LRRC61: variants seen among roughly 807,000 people sequenced by gnomAD.
The protein encoded by LRRC61 is leucine rich repeat containing 61, also known as leucine-rich repeat-containing protein 61.
LRRC61 carries 9 observed loss-of-function variants against 15.1 expected under a neutral mutation model. That is an observed-to-expected ratio of 0.60 (90% CI 0.36 to 1.04). The LOEUF is 1.04. LRRC61 is among the 50% of genes least tolerant of loss of function. The probability of loss-of-function intolerance (pLI) is 0.01; values close to 1 mark genes in which losing one functional copy is unlikely to be tolerated. For missense variants in LRRC61, 344 were observed against 335.6 expected (o/e 1.03, Z -0.20); for synonymous variants, 173 against 158.6 (o/e 1.09, Z -0.68).
At chr7:150,328,640 G>A (rs538001947) in intron 2 of LRRC61, 8 of 152,356 alleles carry the variant, frequency 5.3e-5, no homozygotes, top group African/African-American at 1.4e-4. Context: ...CTTAGTTACC[G>A]TGATGCTGAA....
intron 1 of LRRC61, 65 bp downstream of exon 1, chr7:150,323,625 C>T (rs1563221144): frequency 2.2e-6 from 1 of 454,620 alleles, no homozygotes; most frequent in African/African-American, 2.0e-5. Flanking sequence ...GTGCCGGCCC[C>T]GGGGGGCCAC....
At chr7:150,331,548 T>C (rs1279033971) in intron 2 of LRRC61, 3 of 178,124 alleles carry the variant, frequency 1.7e-5, no homozygotes, top group Non-Finnish European at 4.0e-5. Context: ...TCTAGCAGTA[T>C]GTGCCGAGAA....
Position 150,330,314 on chromosome 7 carries a change from C to A in LRRC61, c.-145+4304C>A, listed in dbSNP as rs1407744014. On this transcript the variant is annotated intron_variant, in intron 2 of 2. Coordinates refer to ENST00000359623, the MANE Select transcript of LRRC61 (RefSeq NM_001142928.2). The surrounding 1 kb of genome is among the most constrained non-coding windows in gnomAD (Gnocchi z 4.6). ...AGCAGCCCCTTCAAGAGTACAAGGG[C>A]AGGCACCAGCTGGGGAAGGCTGGTG... 1 of 717,982 alleles carries A rather than the reference C, an allele frequency of 1.4e-6. No individual in the cohort carries two copies. 44.5% of individuals were successfully genotyped at this position (717,982 alleles called of 1,614,324 possible).
the LRRC61 span, among the ~76,000 whole-genome samples, chr7:150,312,305 A>T: frequency 6.6e-6 from 1 of 152,196 alleles, no homozygotes; most frequent in Non-Finnish European, 1.5e-5. Flanking sequence ...CAGGAGACAA[A>T]GATTATTTTA....
chr7:150,325,526 G>A (rs1431975820), intron 1 of LRRC61, among the ~76,000 whole-genome samples: 1 of 152,184 alleles, frequency 6.6e-6, no homozygotes, highest in African/African-American at 2.4e-5. Context: ...GGAATGCAGT[G>A]GTGCAATCAC....
chr7:150,321,668 A>C (rs1462358108), upstream of LRRC61, among the ~76,000 whole-genome samples: 1 of 152,202 alleles, frequency 6.6e-6, no homozygotes, highest in African/African-American at 2.4e-5. Flanking sequence ...TGAACTCAGG[A>C]GGTGGAGGTT....
chr7:150,323,869 A>C (rs948390763), intron 1 of LRRC61: 4 of 363,824 alleles, frequency 1.1e-5, no homozygotes, highest in African/African-American at 8.8e-5. Context: ...CCGTGCTCAG[A>C]GACGGGCTCT....
chr7:150,317,781 A>T, the LRRC61 span, among the ~76,000 whole-genome samples: 3 of 152,086 alleles, frequency 2.0e-5, no homozygotes, highest in Non-Finnish European at 4.4e-5. Flanking sequence ...TATTATCCAG[A>T]TGGATATTGA....
chr7:150,312,254 GT>G, the LRRC61 span, among the ~76,000 whole-genome samples: 1 of 152,142 alleles, frequency 6.6e-6, no homozygotes, highest in African/African-American at 2.4e-5. Flanking sequence ...AGGGCAAGAG[GT>G]TCTTAGACCA....
At chr7:150,336,172 A>C (rs1180675544) in intron 2 of LRRC61, among the ~76,000 whole-genome samples, 2 of 152,188 alleles carry the variant, frequency 1.3e-5, no homozygotes, top group African/African-American at 4.8e-5. Context: ...CTCCAACCAG[A>C]GGTACCAGCT....
At position 150,337,690 on chromosome 7, in the gene LRRC61, A is replaced by C. The variant is rs1585051712; in HGVS notation, c.*49A>C. 1 of 1,501,554 alleles carries C rather than the reference A, an allele frequency of 6.7e-7. No individual in the cohort carries two copies. The highest frequency in any genetic ancestry group is 1.4e-5 in the South Asian group (1 of 73,860). The allele number at this position is 1,501,554 out of a possible 1,614,324, so 93.0% of individuals were successfully genotyped here. On this transcript the variant is annotated 3_prime_UTR_variant, in exon 3 of 3. Coordinates refer to ENST00000359623, the MANE Select transcript of LRRC61 (RefSeq NM_001142928.2). ...CCTGGCAGGTGGCCTCGCTGCCCCC[A>C]GTTCCCCTCTCTGCCCCCACACTCG...
At chr7:150,328,104 C>T (rs1053634779) in intron 2 of LRRC61, among the ~76,000 whole-genome samples, 10 of 152,148 alleles carry the variant, frequency 6.6e-5, no homozygotes, top group Admixed American at 6.6e-4. Flanking sequence ...GTTGCAGAGA[C>T]AGCCTGAGAA....
chr7:150,327,803 G>T (rs1169088203), intron 2 of LRRC61, among the ~76,000 whole-genome samples: 4 of 136,972 alleles, frequency 2.9e-5, no homozygotes, highest in African/African-American at 1.1e-4. Context: ...CTGGGCGACA[G>T]AGCAAGACCT....
At chr7:150,336,357 A>C (rs898761423) in intron 2 of LRRC61, among the ~76,000 whole-genome samples, 7 of 152,278 alleles carry the variant, frequency 4.6e-5, no homozygotes, top group Non-Finnish European at 7.3e-5. Context: ...CTATTCAAAA[A>C]TAACGGTTTA....
chr7:150,336,033 C>T (rs894233601), intron 2 of LRRC61, among the ~76,000 whole-genome samples: 2 of 152,164 alleles, frequency 1.3e-5, no homozygotes, highest in Non-Finnish European at 2.9e-5. Context: ...CTAGCTTTGG[C>T]GGGCAGTGAA....
At chr7:150,334,303 C>T (rs1220325025) in intron 2 of LRRC61, among the ~76,000 whole-genome samples, 2 of 152,162 alleles carry the variant, frequency 1.3e-5, no homozygotes, top group Non-Finnish European at 2.9e-5. Context: ...GTGGGGCGTC[C>T]TAGTAGTGTT....
At chr7:150,327,920 C>T (rs528880925) in intron 2 of LRRC61, among the ~76,000 whole-genome samples, 83 of 152,026 alleles carry the variant, frequency 5.5e-4, no homozygotes, top group Admixed American at 3.7e-3. Context: ...CCCACTTCTA[C>T]GTGGAAGGCC....
rs1156591039 is a variant in LRRC61, at chr7:150,337,271, G to A, written c.410G>A (p.Ser137Asn). 1.2e-6 allele frequency: 2 copies of A among 1,603,540 alleles called. No homozygotes were observed. Among genetic ancestry groups the A allele is most frequent in the African/African-American group, 1.3e-5 (1 of 75,052 alleles). ...CTCCGAGACCCTTTGGCCCGGCTCA[G>A]CAACCCGCTCTGTGCCAACCCCTCC... ...LRLRDPLARLSNPLCANPSYW... is the reference protein window; with the variant it reads ...LRLRDPLARLNNPLCANPSYW... Residue 137 changes from serine (S) to asparagine (N), a missense_variant, in exon 3 of 3, where the codon AGC (serine) becomes AAC (asparagine). Coordinates refer to ENST00000359623, the MANE Select transcript of LRRC61 (RefSeq NM_001142928.2).
chr7:150,319,931 T>G (rs1459512518), upstream of LRRC61, among the ~76,000 whole-genome samples: 1 of 152,242 alleles, frequency 6.6e-6, no homozygotes, highest in Non-Finnish European at 1.5e-5. Flanking sequence ...GAAACTTGGC[T>G]TGGCTGCAGT....
Sources: gnomAD v4.1 joint callset for allele counts (sites outside exome capture counted in the v4.1 genomes callset) on GRCh38, gnomAD v4.1.1 for gene constraint, Gnocchi (gnomAD v3.1) non-coding constraint, MANE v1.5 for transcripts, NCBI Gene and HGNC (gene_info 2026-07-23, HGNC 2026-07-21) for gene names.